The following AEBP2 variants were observed in gnomAD, a reference collection of about 807,000 sequenced individuals.
AEBP2 encodes zinc finger protein AEBP2.
AEBP2 carries 10 observed loss-of-function variants against 50.8 expected under a neutral mutation model. The observed-to-expected ratio is 0.20, with a 90% CI of 0.12 to 0.33. The LOEUF (loss-of-function observed/expected upper bound fraction) is 0.33. Ranked by LOEUF, AEBP2 falls within the 10% of genes least tolerant of loss-of-function variation. AEBP2 has a pLI of 1.00. For missense variants in AEBP2, 570 were observed against 688.0 expected, an observed-to-expected ratio of 0.83 and a Z score of 1.92; for synonymous variants, 296 against 261.3, an observed-to-expected ratio of 1.13 and a Z score of -1.28.
rs1949352426 is a variant in AEBP2, at chr12:19,518,520, AT to A, written c.*404del. ...ACAATTACAACATGTGCCCTTACAA[AT>A]ACCAAAAGCACTGTAAGGATATTTG... On this transcript the variant is annotated 3_prime_UTR_variant, in exon 8 of 8. Coordinates refer to ENST00000266508, the MANE Select transcript of AEBP2 (RefSeq NM_153207.5). The A allele has an allele frequency of 1.6e-6, 2 of 1,263,242 alleles. No individual in the cohort carries two copies. The highest frequency in any genetic ancestry group is 1.0e-6 in the Non-Finnish European group (1 of 999,446). The allele number at this position is 1,263,242 out of a possible 1,614,324, so 78.3% of individuals were successfully genotyped here. A position where few individuals can be genotyped will look rare whatever the true frequency, so the allele number is the denominator to read the frequency against.
At chr12:19,442,300 C>T (rs1233651412) in intron 1 of AEBP2, among the ~76,000 whole-genome samples, 2 of 151,974 alleles carry the variant, frequency 1.3e-5, no homozygotes, top group African/African-American at 4.8e-5. Context: ...CCCAGCTACT[C>T]GGGAGGCTGA....
intron 1 of AEBP2, among the ~76,000 whole-genome samples, chr12:19,416,662 C>T (rs1187835206): frequency 4.1e-5 from 6 of 147,148 alleles, no homozygotes; most frequent in Non-Finnish European, 5.9e-5. Context: ...CTCGTTCTGT[C>T]GCTTGGGCTG....
chr12:19,456,431 G>A, intron 1 of AEBP2: 9 of 1,404,854 alleles, frequency 6.4e-6, no homozygotes, highest in South Asian at 1.2e-5. Context: ...CCATATCAAC[G>A]TTGGCAGCAT....
Position 19,520,853 on chromosome 12 carries a change from C to G in AEBP2, c.*2736C>G, listed in dbSNP as rs1949386906. On this transcript the variant is annotated 3_prime_UTR_variant, in exon 8 of 8. Transcript: ENST00000266508. ...TTCAAAACTTTCTGAGTGCTGACAT[C>G]ATGCTGCAAGTGGAAAATTCCACGC... 1 of 152,200 alleles carries G rather than the reference C, an allele frequency of 6.6e-6. No individual in the cohort carries two copies. Among genetic ancestry groups the G allele is most frequent in the African/African-American group, 2.4e-5 (1 of 41,436 alleles). The allele number at this position is 152,200 out of a possible 1,614,324, so 9.4% of individuals were successfully genotyped here. A position where few individuals can be genotyped will look rare whatever the true frequency, so the allele number is the denominator to read the frequency against.
At chr12:19,428,176 C>T (rs2095749548) in intron 1 of AEBP2, among the ~76,000 whole-genome samples, 1 of 151,946 alleles carries the variant, frequency 6.6e-6, no homozygotes, top group African/African-American at 2.4e-5. Context: ...GTCAAGGCAG[C>T]AATGAGCCGA....
At chr12:19,517,547 G>A (rs1299514194) in intron 7 of AEBP2, among the ~76,000 whole-genome samples, 1 of 152,238 alleles carries the variant, frequency 6.6e-6, no homozygotes, top group Non-Finnish European at 1.5e-5. Flanking sequence ...ACAGAAGGAT[G>A]TATGTAGGTT....
chr12:19,408,182 A>G (rs2095737358), intron 1 of AEBP2, among the ~76,000 whole-genome samples: 1 of 152,200 alleles, frequency 6.6e-6, no homozygotes, highest in Non-Finnish European at 1.5e-5. Context: ...AAAATATCTC[A>G]CCATAACAAA....
At chr12:19,450,474 G>C (rs138892386) in intron 1 of AEBP2, among the ~76,000 whole-genome samples, 2 of 147,660 alleles carry the variant, frequency 1.4e-5, no homozygotes, top group African/African-American at 5.0e-5. Context: ...TATGCACTAT[G>C]AATGTACAAA....
Position 19,499,384 on chromosome 12 carries a change from A to G in AEBP2, c.1175-713A>G, listed in dbSNP as rs562143345. Among the ~76,000 whole-genome samples, 4 of 152,302 alleles carry G rather than the reference A, an allele frequency of 2.6e-5. No homozygotes were observed. The South Asian group carries it at 6.2e-4, about 24-fold the overall frequency. On this transcript the variant is annotated intron_variant, in intron 4 of 7. Transcript: ENST00000266508. ...ACCCAGCACTTTTGGAGGCCGAGGT[A>G]GGCAGATCACATGAAGCCAGGAGTT...
At chr12:19,481,776 G>A (rs758661046) in intron 3 of AEBP2, among the ~76,000 whole-genome samples, 2 of 152,204 alleles carry the variant, frequency 1.3e-5, no homozygotes, top group Admixed American at 1.3e-4. Context: ...ACGGTGCCCA[G>A]CCTCCAGTGC....
intron 2 of AEBP2, among the ~76,000 whole-genome samples, chr12:19,467,494 A>G (rs1948498035): frequency 6.6e-6 from 1 of 151,628 alleles, no homozygotes; most frequent in African/African-American, 2.4e-5. Flanking sequence ...GGGTTTCACC[A>G]TGTTGGCCCG....
intron 6 of AEBP2, 113 bp downstream of exon 6, chr12:19,512,578 A>G (rs1282875420): frequency 1.1e-5 from 8 of 758,230 alleles, no homozygotes; most frequent in Non-Finnish European, 1.4e-5. Context: ...ACATTTTACA[A>G]CGTTTTGAGG....
chr12:19,427,801 G>A (rs2095749346), intron 1 of AEBP2, among the ~76,000 whole-genome samples: 1 of 152,086 alleles, frequency 6.6e-6, no homozygotes, highest in African/African-American at 2.4e-5. Flanking sequence ...AGATAGTAGG[G>A]TGGGAAGGAC....
At chr12:19,502,870 ACTCCCAAC>A (rs1223795625) in intron 5 of AEBP2, among the ~76,000 whole-genome samples, 1 of 151,102 alleles carries the variant, frequency 6.6e-6, no homozygotes, top group Non-Finnish European at 1.5e-5. Flanking sequence ...CTGGTCTCGA[ACTCCCAAC>A]CTCAGGTGAT....
chr12:19,417,617 A>G (rs12821153), intron 1 of AEBP2, among the ~76,000 whole-genome samples: 13,762 of 151,796 alleles, frequency 0.091, 704 homozygotes, highest in Middle Eastern at 0.15. Context: ...CATGTTGGCC[A>G]GGCTGATCTC....
intron 1 of AEBP2, chr12:19,456,597 A>G (rs1702084686): frequency 6.5e-7 from 1 of 1,532,182 alleles, no homozygotes; most frequent in African/African-American, 1.4e-5. Flanking sequence ...AAGGTTCAGG[A>G]TAATCACCTG....
Position 19,462,567 on chromosome 12 carries a change from A to G in AEBP2, c.729A>G (p.Pro243=), listed in dbSNP as rs1196506451. Residue 243 remains proline (P), a synonymous_variant, in exon 2 of 8, where the codon CCA becomes CCG. Transcript: ENST00000266508. ...CAATTTCCAGTGGGCGTTCAACTCC[A>G]GCAATGATGAATGGACAAGGAAGCA... ...DSTISSGRST[P]AMMNGQGSTT... is the part of the protein sequence containing the mutation. 1 of 1,613,788 alleles carries G rather than the reference A, an allele frequency of 6.2e-7. No homozygotes were observed.
rs1280915802 is a variant in AEBP2 at position 19,424,178 on chromosome 12, T to G, written c.-17+19962T>G. 3.3e-5 allele frequency among the ~76,000 whole-genome samples: 5 copies of G among 152,094 alleles called. No individual in the cohort carries two copies. The East Asian group carries it at 9.7e-4, about 29-fold the overall frequency. On this transcript the variant is annotated intron_variant, in intron 1 of 3. Coordinates refer to the AEBP2 transcript ENST00000538425. ...CCATGAAAGCTATAGATCATTGAAA[T>G]GAGTGTGGTATCAGAGAAATCAAGA...
At chr12:19,445,038 T>G (rs1185600845) in intron 1 of AEBP2, among the ~76,000 whole-genome samples, 2 of 151,322 alleles carry the variant, frequency 1.3e-5, no homozygotes, top group African/African-American at 4.9e-5. Flanking sequence ...TTATTTAACG[T>G]CTTACTACTT....
Sources: gnomAD v4.1 joint callset for allele counts (sites outside exome capture counted in the v4.1 genomes callset) on GRCh38, gnomAD v4.1.1 for gene constraint, MANE v1.5 for transcripts, NCBI Gene and HGNC (gene_info 2026-07-23, HGNC 2026-07-21) for gene names.